The following RAB3GAP2 variants were observed in gnomAD, a reference collection of about 807,000 sequenced individuals.
RAB3GAP2 encodes the protein rab3 GTPase-activating protein non-catalytic subunit.
Under a neutral mutation model 185.3 loss-of-function variants are expected in RAB3GAP2, and 87 were observed. The observed-to-expected ratio is 0.47, with a 90% CI of 0.39 to 0.56. The LOEUF is 0.56. RAB3GAP2 is among the 20% of genes least tolerant of loss of function. RAB3GAP2 has a pLI of 0.00. For synonymous variants in RAB3GAP2, 554 were observed against 576.1 expected, an observed-to-expected ratio of 0.96 and a Z score of 0.55; for missense variants, 1,492 against 1,638.2, an observed-to-expected ratio of 0.91 and a Z score of 1.54.
chr1:220,194,646 G>T (rs1178358956), intron 12 of RAB3GAP2, among the ~76,000 whole-genome samples: 1 of 152,178 alleles, frequency 6.6e-6, no homozygotes, highest in African/African-American at 2.4e-5. Context: ...GCCTACCTAG[G>T]CCTCCCAAAG....
chr1:220,196,252 C>A lies in RAB3GAP2; in HGVS notation c.958G>T (p.Glu320Ter). Residue 320 changes from glutamate (E) to a stop codon, truncating the protein, a stop_gained and splice_region_variant, in exon 10 of 35, where the codon GAG becomes TAG. Transcript: ENST00000358951. LOFTEE classifies it high-confidence loss of function. Reference protein sequence around the residue: ...NPFTGFFYALEGSTQPLLSHV... With the variant: ...NPFTGFFYAL Reference sequence around the variant, plus strand: ...ATGATCATTGATAAAACTCATACCTCTAAAGCATAGAAGAAGCCAGTAAAT... The same window carrying A: ...ATGATCATTGATAAAACTCATACCTATAAAGCATAGAAGAAGCCAGTAAAT... 1 of 1,613,104 alleles carries A rather than the reference C, an allele frequency of 6.2e-7. No individual in the cohort carries two copies. Among genetic ancestry groups the A allele is most frequent in the Non-Finnish European group, 8.5e-7 (1 of 1,179,172 alleles).
intron 1 of RAB3GAP2, chr1:220,253,742 C>G: frequency 6.2e-7 from 1 of 1,611,538 alleles, no homozygotes; most frequent in Non-Finnish European, 8.5e-7. Context: ...GAGTGGGTTC[C>G]GGAGAGCAGA....
chr1:220,168,758 A>G (rs1455649844), intron 24 of RAB3GAP2, among the ~76,000 whole-genome samples: 1 of 152,242 alleles, frequency 6.6e-6, no homozygotes, highest in Non-Finnish European at 1.5e-5. Context: ...TAATTTAGCT[A>G]TAGCTAATCA....
At chr1:220,164,648 T>C in intron 27 of RAB3GAP2, 85 bp downstream of exon 27, 1 of 1,524,534 alleles carries the variant, frequency 6.6e-7, no homozygotes, top group South Asian at 1.2e-5. Flanking sequence ...ATTTAATAGG[T>C]TGTAAATCTT....
At chr1:220,189,846 T>A in intron 16 of RAB3GAP2, 79 bp from the exon 17 acceptor site, 2 of 1,243,880 alleles carry the variant, frequency 1.6e-6, no homozygotes, top group Non-Finnish European at 2.2e-6. Flanking sequence ...AATGAACATA[T>A]CTGTACTATC....
chr1:220,162,152 T>G (rs781460743), intron 28 of RAB3GAP2, 46 bp downstream of exon 28: 13 of 1,341,382 alleles, frequency 9.7e-6, no homozygotes, highest in Non-Finnish European at 1.4e-5. Flanking sequence ...ATTAGTCAAA[T>G]AAGAGAATCA....
At chr1:220,261,936 C>T (rs915943345) in intron 1 of RAB3GAP2, among the ~76,000 whole-genome samples, 3 of 151,766 alleles carry the variant, frequency 2.0e-5, no homozygotes, top group East Asian at 3.9e-4. Flanking sequence ...AGCTTTGTCG[C>T]GTTTTTAAAT....
At chr1:220,256,908 T>C (rs189022202) in intron 1 of RAB3GAP2, among the ~76,000 whole-genome samples, 253 of 152,292 alleles carry the variant, frequency 1.7e-3, no homozygotes, top group African/African-American at 5.8e-3. Context: ...TTGATAGATA[T>C]CTACAGAAAT....
chr1:220,202,715 G>A (rs1024956843), intron 8 of RAB3GAP2, among the ~76,000 whole-genome samples: 1 of 152,214 alleles, frequency 6.6e-6, no homozygotes, highest in Non-Finnish European at 1.5e-5. Flanking sequence ...GGCCGAGGCA[G>A]GCAGGTCGCT....
chr1:220,253,699 A>T lies in RAB3GAP2; in HGVS notation c.115+18524T>A, dbSNP rs190693949. 696 of 1,608,802 alleles carry T rather than the reference A, an allele frequency of 4.3e-4. 1 individual carries two copies. Among genetic ancestry groups the T allele is most frequent in the Middle Eastern group, 2.0e-3 (9 of 4,476 alleles). On this transcript the variant is annotated intron_variant, in intron 1 of 34. Coordinates refer to ENST00000358951, the MANE Select transcript of RAB3GAP2 (RefSeq NM_012414.4). ...AAAGGACAAACAAGTGAAATACTTC[A>T]TACATTACAGTGGTTGGAATAAAAA...
intron 1 of RAB3GAP2, chr1:220,253,738 G>T (rs1659981354): frequency 6.2e-7 from 1 of 1,611,566 alleles, no homozygotes; most frequent in African/African-American, 1.3e-5. Context: ...GGATGAGTGG[G>T]TTCCGGAGAG....
chr1:220,221,718 G>A (rs1659311153), intron 2 of RAB3GAP2, among the ~76,000 whole-genome samples: 1 of 152,206 alleles, frequency 6.6e-6, no homozygotes, highest in Admixed American at 6.5e-5. Context: ...CGCAATATGG[G>A]ATAGAGCATA....
rs1658656191 is a variant in RAB3GAP2, at chr1:220,193,153, C to T, written c.1270+87G>A. 5 of 1,508,424 alleles carry T rather than the reference C, an allele frequency of 3.3e-6. No individual in the cohort carries two copies. The African/African-American group carries it at 5.5e-5, about 17-fold the overall frequency. 93.4% of individuals were successfully genotyped at this position (1,508,424 alleles called of 1,614,324 possible). A position where few individuals can be genotyped will look rare whatever the true frequency, so the allele number is the denominator to read the frequency against. On this transcript the variant is annotated intron_variant, in intron 13 of 34. Transcript: ENST00000358951. ...AACATGAAGAATTAAACAGAGTTAT[C>T]ATCCAGAAGCTGAAGGATGATAACA...
chr1:220,168,628 A>G (rs1435101890), intron 24 of RAB3GAP2, among the ~76,000 whole-genome samples: 1 of 151,310 alleles, frequency 6.6e-6, no homozygotes, highest in Non-Finnish European at 1.5e-5. Flanking sequence ...AACTCTTGAC[A>G]TCAGGTGATC....
At chr1:220,228,815 G>C (rs913186853) in intron 2 of RAB3GAP2, among the ~76,000 whole-genome samples, 2 of 152,194 alleles carry the variant, frequency 1.3e-5, no homozygotes, top group African/African-American at 4.8e-5. Flanking sequence ...TGCTGTGTTT[G>C]TCAAGTCACA....
chr1:220,267,669 C>T (rs1007780887), intron 1 of RAB3GAP2: 5 of 1,518,892 alleles, frequency 3.3e-6, no homozygotes, highest in Non-Finnish European at 4.6e-6. Flanking sequence ...ATGAGGTACA[C>T]TGGTTGCCTG....
Position 220,196,979 on chromosome 1 carries a change from A to G in RAB3GAP2, c.812-581T>C, listed in dbSNP as rs115669989. Among the ~76,000 whole-genome samples, 444 of 151,706 alleles carry G rather than the reference A, an allele frequency of 2.9e-3. 2 individuals carry two copies. Among genetic ancestry groups the G allele is most frequent in the African/African-American group, 9.9e-3 (408 of 41,368 alleles). ...AGTCCACTTATATCCCCAAATACCA[A>G]TTCACTTCTTTTTTTTTTAGTTTTT... is the stretch of plus-strand genomic sequence containing the variant. On this transcript the variant is annotated intron_variant, in intron 9 of 34. Transcript: ENST00000358951.
intron 2 of RAB3GAP2, among the ~76,000 whole-genome samples, chr1:220,227,965 C>T (rs1377766567): frequency 1.3e-5 from 2 of 152,200 alleles, no homozygotes; most frequent in Non-Finnish European, 2.9e-5. Flanking sequence ...GTTGGCCAGA[C>T]TGGTCTCGTA....
chr1:220,202,723 G>A lies in RAB3GAP2; in HGVS notation c.713-349C>T, dbSNP rs375245567. On this transcript the variant is annotated intron_variant, in intron 8 of 34. Transcript: ENST00000358951. ...TTTGGGAGGCCGAGGCAGGCAGGTC[G>A]CTTGAGGTCAGGAGTTTGAGATCAG... Among the ~76,000 whole-genome samples, 4 of 152,082 alleles carry A rather than the reference G, an allele frequency of 2.6e-5. No homozygotes were observed. In the East Asian group the frequency reaches 7.7e-4, roughly 29 times the overall value.
Sources: gnomAD v4.1 joint callset for allele counts (sites outside exome capture counted in the v4.1 genomes callset) on GRCh38, gnomAD v4.1.1 for gene constraint, MANE v1.5 for transcripts, NCBI Gene and HGNC (gene_info 2026-07-23, HGNC 2026-07-21) for gene names.